Variants in STPG2 observed in about 807,000 individuals in gnomAD.
The protein encoded by STPG2 is sperm-tail PG-rich repeat-containing protein 2.
Under a neutral mutation model 54.2 loss-of-function variants are expected in STPG2, and 56 were observed. That is an observed-to-expected ratio of 1.03 (90% CI 0.83 to 1.29). The LOEUF is 1.29. STPG2 is among the 50% of genes most tolerant of loss of function. The pLI is 0.00. For synonymous variants in STPG2, 200 were observed against 181.8 expected, an observed-to-expected ratio of 1.10 and a Z score of -0.81; for missense variants, 596 against 544.9, an observed-to-expected ratio of 1.09 and a Z score of -0.93.
intron 4 of STPG2, among the ~76,000 whole-genome samples, chr4:97,507,492 G>T (rs552607651): frequency 3.9e-5 from 6 of 152,106 alleles, no homozygotes; most frequent in African/African-American, 9.6e-5. Flanking sequence ...AATTTCAACT[G>T]CAATACAATT....
intron 8 of STPG2, among the ~76,000 whole-genome samples, chr4:97,881,513 C>G (rs1466494961): frequency 6.6e-6 from 1 of 152,070 alleles, no homozygotes; most frequent in African/African-American, 2.4e-5. Flanking sequence ...AAGAAAATAT[C>G]TCAGGGTTTA....
chr4:97,784,880 G>C (rs552858676), intron 9 of STPG2, among the ~76,000 whole-genome samples: 1 of 152,018 alleles, frequency 6.6e-6, no homozygotes, highest in Admixed American at 6.6e-5. Flanking sequence ...ACCTGAGACT[G>C]AGAAGTCTTA....
rs536240620 is a variant in STPG2 at position 97,522,058 on chromosome 4, T to C, written c.462+190641A>G. Among the ~76,000 whole-genome samples, 12 of 142,978 alleles carry C rather than the reference T, an allele frequency of 8.4e-5. No individual in the cohort carries two copies. In the East Asian group the frequency reaches 2.4e-3, roughly 29 times the overall value. 93.8% of individuals were successfully genotyped at this position (142,978 alleles called of 152,430 possible). On this transcript the variant is annotated intron_variant, in intron 4 of 4. Transcript: ENST00000522676. Reference sequence around the variant, plus strand: ...TAAAAATAAAGCCTGAATTTTGCTATTTCCTATAATCCAAATATACAATTT... The same window carrying C: ...TAAAAATAAAGCCTGAATTTTGCTACTTCCTATAATCCAAATATACAATTT...
intron 9 of STPG2, among the ~76,000 whole-genome samples, chr4:97,723,070 C>T (rs1024954450): frequency 4.6e-5 from 7 of 151,320 alleles, no homozygotes; most frequent in Admixed American, 3.3e-4. Context: ...CCTCGGCCTC[C>T]TAAAGTGCTG....
intron 8 of STPG2, among the ~76,000 whole-genome samples, chr4:97,887,020 G>A (rs751360233): frequency 7.2e-5 from 11 of 152,104 alleles, no homozygotes; most frequent in African/African-American, 1.9e-4. Flanking sequence ...TGAGGCCTCC[G>A]CAGGAGCAGA....
intron 9 of STPG2, among the ~76,000 whole-genome samples, chr4:97,714,053 G>T (rs1037938832): frequency 6.6e-6 from 1 of 151,716 alleles, no homozygotes; most frequent in Non-Finnish European, 1.5e-5. Context: ...CAATGTATGG[G>T]GAGAGAAAAT....
intron 4 of STPG2, among the ~76,000 whole-genome samples, chr4:97,492,881 A>C (rs554176210): frequency 6.7e-6 from 1 of 150,282 alleles, no homozygotes; most frequent in Admixed American, 6.7e-5. Flanking sequence ...AAAATCTCCC[A>C]TTCCTAATCT....
intron 10 of STPG2, among the ~76,000 whole-genome samples, chr4:97,580,001 G>A (rs1196360231): frequency 6.6e-6 from 1 of 151,838 alleles, no homozygotes; most frequent in Non-Finnish European, 1.5e-5. Flanking sequence ...ATGAAAGAAA[G>A]CTTGGATTGA....
At chr4:98,119,752 C>G (rs1360011637) in intron 3 of STPG2, among the ~76,000 whole-genome samples, 2 of 152,034 alleles carry the variant, frequency 1.3e-5, no homozygotes, top group East Asian at 1.9e-4. Context: ...AAACCTACCC[C>G]CAATGGGCCC....
intron 4 of STPG2, among the ~76,000 whole-genome samples, chr4:97,531,413 C>T (rs911921964): frequency 6.6e-6 from 1 of 152,168 alleles, no homozygotes; most frequent in African/African-American, 2.4e-5. Context: ...CTTTCCTATA[C>T]TTGTTGCAGC....
chr4:97,978,984 A>G (rs1003676375), intron 6 of STPG2, among the ~76,000 whole-genome samples: 3 of 152,234 alleles, frequency 2.0e-5, no homozygotes, highest in Non-Finnish European at 4.4e-5. Context: ...TGTTAAAAAC[A>G]TAATAGCCTC....
At chr4:97,634,118 G>T (rs1319565741) in intron 10 of STPG2, among the ~76,000 whole-genome samples, 1 of 152,188 alleles carries the variant, frequency 6.6e-6, no homozygotes, top group Non-Finnish European at 1.5e-5. Flanking sequence ...GAGAGCAGGG[G>T]TTCTCCCAGT....
intron 10 of STPG2, among the ~76,000 whole-genome samples, chr4:97,635,503 A>G (rs1400658843): frequency 1.3e-5 from 2 of 152,200 alleles, no homozygotes; most frequent in Non-Finnish European, 2.9e-5. Flanking sequence ...TTAACTTTAA[A>G]TGTAAATGGA....
At chr4:98,142,275 T>C (rs1740317671) in intron 1 of STPG2, among the ~76,000 whole-genome samples, 2 of 152,166 alleles carry the variant, frequency 1.3e-5, no homozygotes, top group African/African-American at 4.8e-5. Flanking sequence ...ATCCTGGCAT[T>C]TGCTTGAAAA....
chr4:98,101,513 A>G (rs1166765222), intron 5 of STPG2, among the ~76,000 whole-genome samples: 1 of 151,552 alleles, frequency 6.6e-6, no homozygotes, highest in Non-Finnish European at 1.5e-5. Context: ...TCCCAGAAAG[A>G]AAAAAAAAGA....
chr4:98,076,099 C>T (rs1738156730), intron 5 of STPG2, among the ~76,000 whole-genome samples: 1 of 152,040 alleles, frequency 6.6e-6, no homozygotes, highest in Admixed American at 6.6e-5. Context: ...AAAAAATTAG[C>T]CAGGCGTGGT....
rs544890664 is a variant in STPG2, at chr4:97,949,185, C to T, written c.934-5178G>A. 1.2e-4 allele frequency among the ~76,000 whole-genome samples: 19 copies of T among 152,194 alleles called. No individual in the cohort carries two copies. The Middle Eastern group carries it at 0.014, about 109-fold the overall frequency. On this transcript the variant is annotated intron_variant, in intron 7 of 10. Coordinates refer to ENST00000295268, the MANE Select transcript of STPG2 (RefSeq NM_174952.3). Reference sequence around the variant, plus strand: ...TAATGATCTTCTTTGTCATTTTTTACTGCTGTTGCTTTAAAGTTTGTTGTT... The same window carrying T: ...TAATGATCTTCTTTGTCATTTTTTATTGCTGTTGCTTTAAAGTTTGTTGTT...
At chr4:97,920,714 A>G (rs1053227469) in intron 8 of STPG2, among the ~76,000 whole-genome samples, 1 of 152,338 alleles carries the variant, frequency 6.6e-6, no homozygotes, top group East Asian at 1.9e-4. Flanking sequence ...AAGGAAACAT[A>G]GACAGGACCA....
intron 10 of STPG2, among the ~76,000 whole-genome samples, chr4:97,701,713 G>A (rs1360808850): frequency 1.3e-5 from 2 of 152,190 alleles, no homozygotes; most frequent in African/African-American, 2.4e-5. Flanking sequence ...TAGGAATGCA[G>A]TAGGCTTCCT....
Sources: allele counts gnomAD v4.1 joint callset (sites outside exome capture counted in the v4.1 genomes callset), GRCh38; gene constraint gnomAD v4.1.1; transcripts MANE v1.5; gene names NCBI Gene and HGNC (gene_info 2026-07-23, HGNC 2026-07-21).